The following EDEM2 variants were observed in gnomAD, a reference collection of about 807,000 sequenced individuals.
The protein encoded by EDEM2 is ER degradation-enhancing alpha-mannosidase-like protein 2.
Under a neutral mutation model 64.8 loss-of-function variants are expected in EDEM2, and 39 were observed. That is an observed-to-expected ratio of 0.60 (90% CI 0.47 to 0.79). The LOEUF (loss-of-function observed/expected upper bound fraction) is 0.79, where lower values mean the gene tolerates loss of function less well. Among genes scored for constraint, EDEM2 ranks in the 30% least tolerant of loss-of-function variants. The pLI is 0.00. For synonymous variants in EDEM2, 296 were observed against 291.5 expected (o/e 1.02, Z -0.16); for missense variants, 609 against 731.3 (o/e 0.83, Z 1.93).
chr20:35,145,546 T>G (rs1029350381), intron 2 of EDEM2, among the ~76,000 whole-genome samples: 9 of 152,196 alleles, frequency 5.9e-5, no homozygotes, highest in African/African-American at 2.2e-4. Context: ...AATGAAAAAG[T>G]CAGGGTGGTT....
intron 9 of EDEM2, among the ~76,000 whole-genome samples, chr20:35,120,890 C>T (rs1015482024): frequency 1.4e-4 from 21 of 152,262 alleles, no homozygotes; most frequent in Admixed American, 7.8e-4. Flanking sequence ...AGCCACCACA[C>T]CCAGCCCTCT....
intron 3 of EDEM2, among the ~76,000 whole-genome samples, chr20:35,142,815 G>C (rs1008903547): frequency 2.0e-5 from 3 of 152,196 alleles, no homozygotes; most frequent in African/African-American, 7.2e-5. Context: ...GCCCAGGGTA[G>C]AGTGCAGTGG....
At chr20:35,127,156 T>TA (rs1040682165) in intron 7 of EDEM2, among the ~76,000 whole-genome samples, 2 of 152,162 alleles carry the variant, frequency 1.3e-5, no homozygotes, top group African/African-American at 4.8e-5. Flanking sequence ...CTGCACCATG[T>TA]AAGATGTGCC....
intron 2 of EDEM2, among the ~76,000 whole-genome samples, chr20:35,145,520 C>CA (rs1293685920): frequency 6.6e-6 from 1 of 152,152 alleles, no homozygotes; most frequent in Non-Finnish European, 1.5e-5. Context: ...GATGGAAAGA[C>CA]ATTCGAATTG....
At chr20:35,134,280 AG>A in intron 6 of EDEM2, 2 of 383,452 alleles carry the variant, frequency 5.2e-6, no homozygotes, top group Admixed American at 3.4e-5. Context: ...TCTCCAAAAA[AG>A]GGGGGGATAT....
In EDEM2 at chr20:35,142,353, T is replaced by A; in HGVS notation, c.364+20A>T. 6.3e-7 allele frequency: 1 copy of A among 1,584,438 alleles called. No homozygotes were observed. The highest frequency in any genetic ancestry group is 8.7e-7 in the Non-Finnish European group (1 of 1,154,508). On this transcript the variant is annotated intron_variant, in intron 4 of 10. Transcript: ENST00000374492. ...TTCACACTCTTTTTTCTTTTAAAGG[T>A]CCTAGAGAGCAGCCCTTACCTCGAA...
chr20:35,130,159 C>T (rs1183928166), intron 7 of EDEM2, among the ~76,000 whole-genome samples: 3 of 152,118 alleles, frequency 2.0e-5, no homozygotes, highest in African/African-American at 4.8e-5. Flanking sequence ...CCCTTGACCT[C>T]CCAGGGTCAA....
At chr20:35,130,690 C>T (rs1437813824) in intron 7 of EDEM2, among the ~76,000 whole-genome samples, 1 of 152,142 alleles carries the variant, frequency 6.6e-6, no homozygotes, top group Non-Finnish European at 1.5e-5. Context: ...CACCTATTTT[C>T]AGACTGCAGT....
At chr20:35,145,043 C>T (rs768187181) in intron 2 of EDEM2, 25 bp from the exon 3 acceptor site, 13 of 1,613,212 alleles carry the variant, frequency 8.1e-6, no homozygotes, top group Admixed American at 1.7e-5. Flanking sequence ...AAATCCCAGC[C>T]GCTTAGTAAG....
intron 8 of EDEM2, among the ~76,000 whole-genome samples, chr20:35,125,536 C>T (rs1177533039): frequency 5.9e-5 from 9 of 152,008 alleles, no homozygotes; most frequent in African/African-American, 2.2e-4. Flanking sequence ...AGGCGCCCAC[C>T]ACCACGCCCA....
At chr20:35,117,371 C>T (rs1235613843) in intron 10 of EDEM2, among the ~76,000 whole-genome samples, 1 of 152,166 alleles carries the variant, frequency 6.6e-6, no homozygotes, top group Non-Finnish European at 1.5e-5. Context: ...CAAATATGGT[C>T]TTGATGTATC....
chr20:35,118,413 C>T (rs943656208), intron 10 of EDEM2, 185 bp downstream of exon 10: 1 of 845,878 alleles, frequency 1.2e-6, no homozygotes, highest in Non-Finnish European at 1.8e-6. Context: ...GCTGTGAGAT[C>T]TTTAGCAAGG....
chr20:35,129,890 G>C, intron 7 of EDEM2, among the ~76,000 whole-genome samples: 1 of 152,050 alleles, frequency 6.6e-6, no homozygotes, highest in East Asian at 1.9e-4. Flanking sequence ...ACACCATATA[G>C]CCTAGGTGTG....
intron 7 of EDEM2, among the ~76,000 whole-genome samples, chr20:35,126,670 T>A (rs1373032962): frequency 6.6e-6 from 1 of 152,160 alleles, no homozygotes; most frequent in East Asian, 1.9e-4. Context: ...CCCAGCACTT[T>A]GGGAGGCCGA....
chr20:35,137,871 G>A lies in EDEM2; in HGVS notation c.490+9C>T, dbSNP rs2085598874. On this transcript the variant is annotated intron_variant, in intron 5 of 10. Coordinates refer to ENST00000374492, the MANE Select transcript of EDEM2 (RefSeq NM_018217.3). ...CTTCGTCTCTGCCCCATCTCTGTGT[G>A]GGTCTTACCTGGGAGGAGTTTTCGG... The A allele has an allele frequency of 6.2e-7, 1 of 1,613,698 alleles. No homozygotes were observed. Among genetic ancestry groups the A allele is most frequent in the Non-Finnish European group, 8.5e-7 (1 of 1,179,764 alleles).
In EDEM2 at chr20:35,144,856, C is replaced by T. The variant is rs1024901740; in HGVS notation, c.258+123G>A. ...CAACCACAGCCGGACGCTTCAGAAT[C>T]ATGAGATGCAAATAAAAGGCCTAGG... On this transcript the variant is annotated intron_variant, in intron 3 of 10. Transcript: ENST00000374492. The T allele has an allele frequency of 5.4e-6, 6 of 1,117,068 alleles. No individual in the cohort carries two copies. The African/African-American group carries it at 6.3e-5, about 12-fold the overall frequency. The allele number at this position is 1,117,068 out of a possible 1,614,324, so 69.2% of individuals were successfully genotyped here. A position where few individuals can be genotyped will look rare whatever the true frequency, so the allele number is the denominator to read the frequency against.
At chr20:35,122,339 A>G (rs1043624641) in intron 9 of EDEM2, among the ~76,000 whole-genome samples, 1 of 152,202 alleles carries the variant, frequency 6.6e-6, no homozygotes, top group Non-Finnish European at 1.5e-5. Flanking sequence ...AACACCAGAT[A>G]CGATACCTTC....
chr20:35,146,858 G>A lies in EDEM2; in HGVS notation c.185C>T (p.Pro62Leu), dbSNP rs1298019789. ...ENAFPFDELR[P>L]LTCDGHDTWG... Reference sequence around the variant, plus strand: ...GGTGTCGTGCCCGTCACAGGTGAGAGGTCGCAGCTCATCGAAGGGAAAGGC... The same window carrying A: ...GGTGTCGTGCCCGTCACAGGTGAGAAGTCGCAGCTCATCGAAGGGAAAGGC... Residue 62 changes from proline (P) to leucine (L), a missense_variant, in exon 2 of 11, where the codon CCT becomes CTT. Coordinates refer to ENST00000374492, the MANE Select transcript of EDEM2 (RefSeq NM_018217.3). 6 of 1,614,020 alleles carry A rather than the reference G, an allele frequency of 3.7e-6. No homozygotes were observed. Among genetic ancestry groups the A allele is most frequent in the Non-Finnish European group, 5.1e-6 (6 of 1,180,020 alleles).
chr20:35,119,899 T>G (rs866456538), intron 9 of EDEM2, among the ~76,000 whole-genome samples: 1 of 152,194 alleles, frequency 6.6e-6, no homozygotes. Context: ...CTCAGCTCAG[T>G]ATGTTTTTCT....
Sources: allele counts gnomAD v4.1 joint callset (sites outside exome capture counted in the v4.1 genomes callset), GRCh38; gene constraint gnomAD v4.1.1; transcripts MANE v1.5; gene names NCBI Gene and HGNC (gene_info 2026-07-23, HGNC 2026-07-21).